Variants in TMEM92 observed in about 807,000 individuals in gnomAD.
TMEM92 encodes transmembrane protein 92.
A neutral mutation model predicts 14.6 loss-of-function variants in TMEM92; 15 were observed. The ratio of observed to expected loss-of-function variants is 1.03; its 90% CI spans 0.69 to 1.58. The LOEUF (loss-of-function observed/expected upper bound fraction) is 1.58, where lower values mean the gene tolerates loss of function less well. TMEM92 is among the 40% of genes most tolerant of loss of function. The pLI, the probability that TMEM92 is intolerant of heterozygous loss-of-function variation, is 0.00. For synonymous variants in TMEM92, 85 were observed against 83.3 expected (o/e 1.02, Z -0.11); for missense variants, 174 against 202.4 (o/e 0.86, Z 0.85).
chr17:50,278,373 T>G (rs1910497588), intron 2 of TMEM92, among the ~76,000 whole-genome samples, 183 bp from the exon 3 acceptor site: 1 of 152,098 alleles, frequency 6.6e-6, no homozygotes, highest in South Asian at 2.1e-4. Flanking sequence ...TGGGCACAAG[T>G]GCACACGCCC....
At chr17:50,277,677 T>C in intron 1 of TMEM92, 38 bp from the exon 2 acceptor site, 1 of 1,613,632 alleles carries the variant, frequency 6.2e-7, no homozygotes, top group Non-Finnish European at 8.5e-7. Flanking sequence ...TATCCCCAGT[T>C]TATGACCCTG....
At chr17:50,274,871 C>T in intron 1 of TMEM92, 1 of 423,510 alleles carries the variant, frequency 2.4e-6, no homozygotes, top group Non-Finnish European at 4.2e-6. Flanking sequence ...CCTTATTAGC[C>T]TCAGCTTATC....
chr17:50,277,325 G>A (rs938568968), intron 1 of TMEM92, among the ~76,000 whole-genome samples: 1 of 152,112 alleles, frequency 6.6e-6, no homozygotes, highest in Non-Finnish European at 1.5e-5. Context: ...ATTCTTTGGT[G>A]ATGAGATTTG....
rs1433876780 is a variant in TMEM92 at position 50,279,272 on chromosome 17, C to T, written c.444C>T (p.Thr148=). ...PPYSFRPEEY[T]GDQRGIDNPA... ...ACAGCTTCAGGCCTGAAGAATATACCGGGGATCAGAGGGGCATTGACAACC... is the reference window on the plus strand; with the variant it reads ...ACAGCTTCAGGCCTGAAGAATATACTGGGGATCAGAGGGGCATTGACAACC... The change falls in exon 5 of 5, where the codon ACC becomes ACT. Residue 148 remains threonine, a synonymous_variant. Transcript: ENST00000507382. 11 of 1,613,676 alleles carry T rather than the reference C, an allele frequency of 6.8e-6. No individual in the cohort carries two copies. Among genetic ancestry groups the T allele is most frequent in the South Asian group, 2.2e-5 (2 of 91,066 alleles).
At chr17:50,279,087 A>G in intron 4 of TMEM92, 91 bp downstream of exon 4, 6 of 1,422,772 alleles carry the variant, frequency 4.2e-6, no homozygotes, top group Non-Finnish European at 5.9e-6. Flanking sequence ...GGCACTCTGC[A>G]CCCAGCATTG....
At chr17:50,272,108 G>C (rs1191520302), upstream of TMEM92, among the ~76,000 whole-genome samples, 3 of 152,086 alleles carry the variant, frequency 2.0e-5, no homozygotes, top group Non-Finnish European at 2.9e-5. Context: ...TGGGCCTCCT[G>C]TCTTTTGTCC....
At chr17:50,275,331 C>T (rs750421331) in intron 1 of TMEM92, among the ~76,000 whole-genome samples, 14 of 152,004 alleles carry the variant, frequency 9.2e-5, no homozygotes, top group Non-Finnish European at 1.8e-4. Flanking sequence ...TAGAACAGGG[C>T]ACCTTCACAC....
In TMEM92 at chr17:50,279,194, G is replaced by C. The variant is rs1910533466; in HGVS notation, c.367-1G>C. 1 of 1,613,632 alleles carries C rather than the reference G, an allele frequency of 6.2e-7. No homozygotes were observed. Among genetic ancestry groups the C allele is most frequent in the South Asian group, 1.1e-5 (1 of 91,076 alleles). ...GACTGAATTCTCTCTTTTCCCTGCA[G>C]GTGATTCTGAAGCCCAGCCTGGGCC... On this transcript the variant is annotated splice_acceptor_variant, in intron 4 of 4. Transcript: ENST00000507382. LOFTEE classifies it high-confidence loss of function.
chr17:50,279,469 C>A lies in TMEM92; in HGVS notation c.*161C>A. 1.6e-6 allele frequency: 1 copy of A among 638,332 alleles called. No homozygotes were observed. The highest frequency in any genetic ancestry group is 2.7e-6 in the Non-Finnish European group (1 of 366,378). 39.5% of individuals were successfully genotyped at this position (638,332 alleles called of 1,614,324 possible). A position where few individuals can be genotyped will look rare whatever the true frequency, so the allele number is the denominator to read the frequency against. On this transcript the variant is annotated 3_prime_UTR_variant, in exon 5 of 5. Transcript: ENST00000507382. Reference sequence around the variant, plus strand: ...TTACTTTTTCTGCTTCTGTTTCCACCCCAGCTGCCTCTCTTGTCCTGAGGG... The same window carrying A: ...TTACTTTTTCTGCTTCTGTTTCCACACCAGCTGCCTCTCTTGTCCTGAGGG...
At chr17:50,276,197 G>C in intron 1 of TMEM92, among the ~76,000 whole-genome samples, 1 of 152,162 alleles carries the variant, frequency 6.6e-6, no homozygotes, top group East Asian at 1.9e-4. Flanking sequence ...GGCCAGGTTG[G>C]TCTTAAACTC....
At position 50,280,057 on chromosome 17, in the gene TMEM92, G is replaced by A. The variant is rs535225137; in HGVS notation, c.*749G>A. ...AATGGGGTACGCGTGTCCCTTGTGT[G>A]GGTTTCCCAATCCCTTCCGCCCAAG... On this transcript the variant is annotated 3_prime_UTR_variant, in exon 5 of 5. Coordinates refer to ENST00000507382, the MANE Select transcript of TMEM92 (RefSeq NM_153229.3). 6.6e-6 allele frequency: 1 copy of A among 152,236 alleles called. No homozygotes were observed. The highest frequency in any genetic ancestry group is 1.5e-5 in the Non-Finnish European group (1 of 68,068). The allele number at this position is 152,236 out of a possible 1,614,324, so 9.4% of individuals were successfully genotyped here.
At position 50,277,700 on chromosome 17, in the gene TMEM92, T is replaced by G. The variant is rs1426912871; in HGVS notation, c.70-15T>G. On this transcript the variant is annotated splice_polypyrimidine_tract_variant and intron_variant, in intron 1 of 4. Transcript: ENST00000507382. ...GTTTATGACCCTGACCCCCGACCTCTCTTTTCTTCCACAGATTGCAGCCAA... is the reference window on the plus strand; with the variant it reads ...GTTTATGACCCTGACCCCCGACCTCGCTTTTCTTCCACAGATTGCAGCCAA... 1.7e-5 allele frequency: 27 copies of G among 1,613,810 alleles called. No homozygotes were observed. The East Asian group carries it at 5.8e-4, about 35-fold the overall frequency.
upstream of TMEM92, among the ~76,000 whole-genome samples, chr17:50,272,811 C>T (rs188718072): frequency 2.8e-4 from 43 of 151,698 alleles, no homozygotes; most frequent in East Asian, 8.0e-3. Flanking sequence ...CCAGAGAAAC[C>T]GAGAAAAACA....
Position 50,281,153 on chromosome 17 carries a change from C to G in TMEM92, c.*1845C>G, listed in dbSNP as rs947806522. ...GTGGCCATCCTGAAACCTAGTGTTG[C>G]TGTGACCTGGTGACAGAAATGGAAA... On this transcript the variant is annotated 3_prime_UTR_variant, in exon 5 of 5. Transcript: ENST00000507382. 1.3e-5 allele frequency: 2 copies of G among 152,160 alleles called. No homozygotes were observed. Among genetic ancestry groups the G allele is most frequent in the African/African-American group, 2.4e-5 (1 of 41,416 alleles). 9.4% of individuals were successfully genotyped at this position (152,160 alleles called of 1,614,324 possible).
At chr17:50,272,313 G>A (rs141591158), upstream of TMEM92, among the ~76,000 whole-genome samples, 342 of 152,054 alleles carry the variant, frequency 2.2e-3, 2 homozygotes, top group East Asian at 2.1e-3. Context: ...ACCCCGCAGG[G>A]TATCTTCCTC....
At chr17:50,273,157 C>T (rs1316897238), upstream of TMEM92, among the ~76,000 whole-genome samples, 1 of 152,184 alleles carries the variant, frequency 6.6e-6, no homozygotes, top group Non-Finnish European at 1.5e-5. Context: ...CTCAGGGTCC[C>T]CCTTGGCCGG....
chr17:50,274,555 G>A lies in TMEM92; in HGVS notation c.54G>A (p.Leu18=). 6.2e-7 allele frequency: 1 copy of A among 1,613,866 alleles called. No homozygotes were observed. The highest frequency in any genetic ancestry group is 1.3e-5 in the African/African-American group (1 of 75,060). ...GLAPTLLFSL[L]AGPQKIAAKC... is the part of the protein sequence containing the mutation. Reference sequence around the variant, plus strand: ...CGCCCACCTTGCTGTTCAGCCTGCTGGCTGGCCCCCAAAAGGTGAGACTGG... The same window carrying A: ...CGCCCACCTTGCTGTTCAGCCTGCTAGCTGGCCCCCAAAAGGTGAGACTGG... Residue 18 remains leucine, a synonymous_variant, in exon 1 of 5, where the codon CTG becomes CTA. Coordinates refer to ENST00000507382, the MANE Select transcript of TMEM92 (RefSeq NM_153229.3).
In TMEM92 at chr17:50,281,288, T is replaced by A. The variant is rs1451304599; in HGVS notation, c.*1980T>A. On this transcript the variant is annotated 3_prime_UTR_variant, in exon 5 of 5. Transcript: ENST00000507382. ...CCACAGATCTTTACGAAGCTCCTGC[T>A]ATGTAGGAAACACTATGCCTGGCAC... 1 of 152,220 alleles carries A rather than the reference T, an allele frequency of 6.6e-6. No homozygotes were observed. Among genetic ancestry groups the A allele is most frequent in the Non-Finnish European group, 1.5e-5 (1 of 68,026 alleles). The allele number at this position is 152,220 out of a possible 1,614,324, so 9.4% of individuals were successfully genotyped here.
upstream of TMEM92, among the ~76,000 whole-genome samples, chr17:50,273,447 G>A (rs1910318818): frequency 6.6e-6 from 1 of 152,236 alleles, no homozygotes; most frequent in African/African-American, 2.4e-5. Context: ...GAATCTGGAT[G>A]GGCCTGCTCG....
Sources: allele counts gnomAD v4.1 joint callset (sites outside exome capture counted in the v4.1 genomes callset), GRCh38; gene constraint gnomAD v4.1.1; transcripts MANE v1.5; gene names NCBI Gene and HGNC (gene_info 2026-07-23, HGNC 2026-07-21).